Variants in PRH1 observed in about 807,000 individuals in gnomAD.
PRH1 encodes the protein salivary acidic proline-rich phosphoprotein 1/2.
In PRH1, 7 loss-of-function variants were observed where a neutral mutation model predicts 7.9. The ratio of observed to expected loss-of-function variants is 0.89; its 90% confidence interval spans 0.50 to 1.67. The LOEUF (loss-of-function observed/expected upper bound fraction) is 1.67. Among genes scored for constraint, PRH1 ranks in the 40% most tolerant of loss-of-function variants. The pLI, the probability that PRH1 is intolerant of heterozygous loss-of-function variation, is 0.00. For missense variants in PRH1, 109 were observed against 223.6 expected, an observed-to-expected ratio of 0.49 and a Z score of 3.27; for synonymous variants, 45 against 80.8, an observed-to-expected ratio of 0.56 and a Z score of 2.38.
intron 1 of PRH1, among the ~76,000 whole-genome samples, chr12:10,976,166 T>A (rs777642204): frequency 6.6e-6 from 1 of 152,038 alleles, no homozygotes; most frequent in African/African-American, 2.4e-5. Flanking sequence ...AACCACACAA[T>A]CTAACATAAA....
chr12:11,031,214 A>G (rs761384693), intron 1 of PRH1: 1 of 1,614,118 alleles, frequency 6.2e-7, no homozygotes, highest in South Asian at 1.1e-5. Flanking sequence ...AGCAAAAGAG[A>G]TCTTTTGTCT....
chr12:10,938,898 C>A, intron 2 of PRH1: 1 of 1,613,800 alleles, frequency 6.2e-7, no homozygotes, highest in Non-Finnish European at 8.5e-7. Flanking sequence ...TAAAAAGTAC[C>A]GAGGCCTGTA....
intron 2 of PRH1, among the ~76,000 whole-genome samples, chr12:10,941,903 C>A (rs569430311): frequency 6.6e-6 from 1 of 152,050 alleles, no homozygotes; most frequent in Non-Finnish European, 1.5e-5. Context: ...CTTTTTTGTT[C>A]CAGAGGGTGT....
chr12:11,030,632 AG>A (rs759506830), intron 1 of PRH1: 24 of 1,614,100 alleles, frequency 1.5e-5, no homozygotes, highest in Non-Finnish European at 2.0e-5. Flanking sequence ...ACATAACAAG[AG>A]GAAAAAGATC....
chr12:10,978,900 AAAAC>A (rs138083935), intron 1 of PRH1, among the ~76,000 whole-genome samples: 80,528 of 151,022 alleles, frequency 0.53, 23,759 homozygotes, highest in East Asian at 0.74. Context: ...TGCCTATTAC[AAAAC>A]AAACAAACAA....
intron 1 of PRH1, among the ~76,000 whole-genome samples, chr12:11,003,108 C>T (rs899104496): frequency 1.1e-4 from 17 of 151,924 alleles, no homozygotes; most frequent in African/African-American, 4.1e-4. Context: ...TGTGGATGTA[C>T]ACTTCCTGCT....
intron 1 of PRH1, among the ~76,000 whole-genome samples, chr12:11,132,474 T>A (rs1237604477): frequency 2.0e-5 from 3 of 152,214 alleles, no homozygotes; most frequent in Non-Finnish European, 4.4e-5. Flanking sequence ...ATAATTTACA[T>A]CTGAGCTCAA....
chr12:11,111,610 C>G (rs1945592667), intron 1 of PRH1, among the ~76,000 whole-genome samples: 1 of 152,066 alleles, frequency 6.6e-6, no homozygotes, highest in African/African-American at 2.4e-5. Flanking sequence ...CCAATGAGAA[C>G]AAAGACAAAA....
chr12:11,027,978 C>T (rs1942002759), intron 1 of PRH1, among the ~76,000 whole-genome samples: 3 of 152,226 alleles, frequency 2.0e-5, no homozygotes, highest in Admixed American at 6.5e-5. Context: ...TAAAGCCAGC[C>T]ATGACTGGAG....
At chr12:10,976,891 G>A (rs1026632448) in intron 1 of PRH1, among the ~76,000 whole-genome samples, 3 of 151,758 alleles carry the variant, frequency 2.0e-5, no homozygotes, top group Non-Finnish European at 2.9e-5. Context: ...TAAATAAACC[G>A]ATGATGAGTT....
At chr12:10,886,161 A>G (rs938743225), upstream of PRH1, among the ~76,000 whole-genome samples, 3 of 152,204 alleles carry the variant, frequency 2.0e-5, no homozygotes, top group South Asian at 2.1e-4. Flanking sequence ...CCAATGCGTT[A>G]TGGAGATTAT....
intron 2 of PRH1, among the ~76,000 whole-genome samples, chr12:10,909,995 C>T (rs1216058127): frequency 5.3e-5 from 8 of 152,096 alleles, no homozygotes; most frequent in African/African-American, 1.9e-4. Context: ...TCCGCTTTTC[C>T]CCTCATATTT....
chr12:11,085,213 T>G (rs1944643869), intron 1 of PRH1, among the ~76,000 whole-genome samples: 1 of 150,346 alleles, frequency 6.7e-6, no homozygotes, highest in African/African-American at 2.4e-5. Context: ...TAGACATATT[T>G]CCTTTAACCA....
rs111616473 is a variant in PRH1 at position 10,947,400 on chromosome 12, T to A, written c.-59+26255A>T. On this transcript the variant is annotated intron_variant, in intron 2 of 3. Coordinates refer to the PRH1 transcript ENST00000539853. The stretch of plus-strand genomic sequence containing the variant: ...GTTATATCCTTGCTTGTCTTTTTTT[T>A]AAAAAACTTTCATTTGTTTGAAACT... Among the ~76,000 whole-genome samples, 607 of 152,190 alleles carry A rather than the reference T, an allele frequency of 4.0e-3. 6 individuals are homozygous for A. The highest frequency in any genetic ancestry group is 0.014 in the African/African-American group (561 of 41,546).
At chr12:10,887,757 G>A (rs2110100), upstream of PRH1, among the ~76,000 whole-genome samples, 76,330 of 151,878 alleles carry the variant, frequency 0.5, 21,475 homozygotes, top group East Asian at 0.73. Context: ...CACATGGCTA[G>A]GGTCACTGTA....
intron 2 of PRH1, among the ~76,000 whole-genome samples, chr12:10,920,647 T>C (rs537932612): frequency 6.6e-6 from 1 of 152,242 alleles, no homozygotes; most frequent in African/African-American, 2.4e-5. Context: ...ATTTCAAAAG[T>C]TTTCCTGTTG....
chr12:10,903,974 C>T, intron 2 of PRH1, among the ~76,000 whole-genome samples: 1 of 69,706 alleles, frequency 1.4e-5, no homozygotes, highest in Non-Finnish European at 3.7e-5. Context: ...CTACAGCTAA[C>T]CAAGGAGGTG....
chr12:10,993,507 G>A (rs974493962), intron 1 of PRH1, among the ~76,000 whole-genome samples: 5 of 152,160 alleles, frequency 3.3e-5, no homozygotes, highest in African/African-American at 1.2e-4. Context: ...TAACATAGAT[G>A]ATGATTTTAG....
intron 1 of PRH1, among the ~76,000 whole-genome samples, chr12:11,083,655 C>G (rs1365063791): frequency 1.3e-5 from 2 of 152,282 alleles, no homozygotes; most frequent in Admixed American, 6.5e-5. Context: ...CAGACACTCT[C>G]CATATACGCC....
Sources: gnomAD v4.1 joint callset for allele counts (sites outside exome capture counted in the v4.1 genomes callset) on GRCh38, gnomAD v4.1.1 for gene constraint, MANE v1.5 for transcripts, NCBI Gene and HGNC (gene_info 2026-07-23, HGNC 2026-07-21) for gene names.